NOP53: variants seen among roughly 807,000 people sequenced by gnomAD.
The protein encoded by NOP53 is NOP53 ribosome biogenesis factor.
Under a neutral mutation model 61.0 loss-of-function variants are expected in NOP53, and 40 were observed. That is an observed-to-expected ratio of 0.66 (90% CI 0.51 to 0.85). The LOEUF (loss-of-function observed/expected upper bound fraction) is 0.85, where lower values mean the gene tolerates loss of function less well. Among genes scored for constraint, NOP53 ranks in the 40% least tolerant of loss-of-function variants. NOP53 has a pLI of 0.00. For missense variants in NOP53, 689 were observed against 652.9 expected (o/e 1.06, Z -0.60); for synonymous variants, 308 against 289.5 (o/e 1.06, Z -0.65).
rs556471247 is a variant in NOP53, at chr19:47,750,216, C to G, written c.328C>G (p.Leu110Val). 9 of 1,612,928 alleles carry G rather than the reference C, an allele frequency of 5.6e-6. No homozygotes were observed. The highest frequency in any genetic ancestry group is 1.6e-4 in the Middle Eastern group (1 of 6,062). ...GAGAACCAAAGTCCAGAAGAAGTCA[C>G]TGCTTCTCAAGAAACCCCTTCGGGT... is the stretch of plus-strand genomic sequence containing the variant. ...KKRTKVQKKS[L>V]LLKKPLRVDL... Residue 110 changes from leucine to valine, a missense_variant, in exon 3 of 13, where the codon CTG (leucine) becomes GTG (valine). By Grantham distance (32) the Leu-to-Val change is conservative. Transcript: ENST00000246802.
At chr19:47,756,485 G>C (rs777112834) in intron 10 of NOP53, 43 bp from the exon 11 acceptor site, 1 of 1,537,400 alleles carries the variant, frequency 6.5e-7, no homozygotes. Flanking sequence ...AGGCCCTTGG[G>C]CTTCTGCCAG....
chr19:47,751,079 G>T lies in NOP53; in HGVS notation c.570G>T (p.Arg190=). The T allele has an allele frequency of 1.2e-6, 2 of 1,608,732 alleles. No homozygotes were observed. Among genetic ancestry groups the T allele is most frequent in the African/African-American group, 2.7e-5 (2 of 75,036 alleles). ...CCGGGCCCCAGGACACCGTAGAGCG[G>T]CCCTTCTACGACCTCTGGGCCTCAG... ...AKPGPQDTVE[R]PFYDLWASDN... is the part of the protein sequence containing the mutation. The change falls in exon 4 of 13, where the codon CGG becomes CGT. Residue 190 remains arginine (R), a synonymous_variant. Transcript: ENST00000246802.
rs980644020 is a variant in NOP53 at position 47,755,425 on chromosome 19, G to A, written c.1131G>A (p.Gln377=). ...ELFRLRGIKA[Q]VALRLAELAR... ...TCCGGCTGCGCGGGATCAAGGCCCA[G>A]GTGGCCCTGAGGCTGGCGGAGCTGG... Residue 377 remains glutamine (Q), a synonymous_variant, in exon 9 of 13, where the codon CAG becomes CAA. Transcript: ENST00000246802. The A allele has an allele frequency of 1.3e-6, 2 of 1,532,514 alleles. No individual in the cohort carries two copies. The highest frequency in any genetic ancestry group is 2.8e-5 in the African/African-American group (2 of 70,934). 94.9% of individuals were successfully genotyped at this position (1,532,514 alleles called of 1,614,324 possible).
chr19:47,749,683 G>C (rs1377928297), intron 2 of NOP53, among the ~76,000 whole-genome samples: 2 of 152,096 alleles, frequency 1.3e-5, no homozygotes, highest in African/African-American at 2.4e-5. Flanking sequence ...TGGCCATCCT[G>C]GGTCCCAAGT....
Position 47,750,234 on chromosome 19 carries a change from C to T in NOP53, c.346C>T (p.Leu116Phe). ...QKKSLLLKKP[L>F]RVDLILENTS... Reference sequence around the variant, plus strand: ...GAAGTCACTGCTTCTCAAGAAACCCCTTCGGGTTGACCTCATCCTCGAGAA... The same window carrying T: ...GAAGTCACTGCTTCTCAAGAAACCCTTTCGGGTTGACCTCATCCTCGAGAA... Residue 116 changes from leucine (L) to phenylalanine (F), a missense_variant, in exon 3 of 13, where the codon CTT becomes TTT. Leu to Phe is a conservative substitution (Grantham distance 22, BLOSUM62 0). Coordinates refer to ENST00000246802, the MANE Select transcript of NOP53 (RefSeq NM_015710.5). 1 of 1,613,282 alleles carries T rather than the reference C, an allele frequency of 6.2e-7. No homozygotes were observed. The highest frequency in any genetic ancestry group is 8.5e-7 in the Non-Finnish European group (1 of 1,179,244).
At chr19:47,750,879 C>T (rs918323512) in intron 3 of NOP53, 29 bp from the exon 4 acceptor site, 12 of 1,553,390 alleles carry the variant, frequency 7.7e-6, no homozygotes, top group Middle Eastern at 2.3e-4. Context: ...ACCTCACCTG[C>T]TGCACTTGTG....
chr19:47,755,458 G>A lies in NOP53; in HGVS notation c.1164G>A (p.Arg388=), dbSNP rs1440990956. The A allele has an allele frequency of 6.6e-7, 1 of 1,507,580 alleles. No homozygotes were observed. The highest frequency in any genetic ancestry group is 8.8e-7 in the Non-Finnish European group (1 of 1,131,806). 93.4% of individuals were successfully genotyped at this position (1,507,580 alleles called of 1,614,324 possible). The part of the protein sequence containing the change: ...VALRLAELAR[R]QRRRQARREA... ...TGAGGCTGGCGGAGCTGGCGCGGCG[G>A]CAGAGGCGGCGGCAGGCGCGGCGGG... The change falls in exon 9 of 13, where the codon CGG becomes CGA. Residue 388 remains arginine (R), a synonymous_variant. Transcript: ENST00000246802.
chr19:47,756,901 G>T (rs1967208504), intron 12 of NOP53, 98 bp from the exon 13 acceptor site: 1 of 1,564,034 alleles, frequency 6.4e-7, no homozygotes, highest in Non-Finnish European at 8.8e-7. Context: ...GGGGTTGGGA[G>T]GGTCCCCAAA....
intron 6 of NOP53, chr19:47,752,940 A>C (rs28688818): frequency 1.8e-5 from 5 of 280,702 alleles, no homozygotes; most frequent in Non-Finnish European, 3.5e-5. Context: ...ACAGCACTGC[A>C]AAGGCACAGA....
Position 47,751,733 on chromosome 19 carries a change from T to C in NOP53, c.669+143T>C. 6 of 694,380 alleles carry C rather than the reference T, an allele frequency of 8.6e-6. No individual in the cohort carries two copies. The South Asian group carries it at 1.0e-4, about 12-fold the overall frequency. The allele number at this position is 694,380 out of a possible 1,614,324, so 43.0% of individuals were successfully genotyped here. On this transcript the variant is annotated intron_variant, in intron 5 of 12. Coordinates refer to ENST00000246802, the MANE Select transcript of NOP53 (RefSeq NM_015710.5). Reference sequence around the variant, plus strand: ...CTGTGCTGGAGCCAGGTGGCTGGGATTCCTGTCCCAGCTCCAGTGCTGACT... The same window carrying C: ...CTGTGCTGGAGCCAGGTGGCTGGGACTCCTGTCCCAGCTCCAGTGCTGACT...
intron 10 of NOP53, 116 bp from the exon 11 acceptor site, chr19:47,756,412 A>G (rs1006267444): frequency 5.3e-5 from 40 of 748,272 alleles, no homozygotes; most frequent in Admixed American, 1.0e-4. Context: ...CCTGGTGCCC[A>G]CAGGCTGCCC....
chr19:47,750,162 T>A lies in NOP53; in HGVS notation c.290-16T>A. ...GTAGGGCTGAGGCCTTGACTTGTTC[T>A]CTTTCCCATTCTTAGGGCTGACAAA... On this transcript the variant is annotated splice_polypyrimidine_tract_variant and intron_variant, in intron 2 of 12. Transcript: ENST00000246802. 6.5e-7 allele frequency: 1 copy of A among 1,545,530 alleles called. No individual in the cohort carries two copies. Among genetic ancestry groups the A allele is most frequent in the Non-Finnish European group, 8.9e-7 (1 of 1,117,908 alleles).
rs183436957 is a variant in NOP53, at chr19:47,754,184, G to A, written c.766-343G>A. ...AGTAGCTACTCGGGAGGCTGAGGCA[G>A]GAGAATCGCTTGAACCCAGGAGGCG... On this transcript the variant is annotated intron_variant, in intron 6 of 12. Transcript: ENST00000246802. This position sits in a 1 kb window ranked among gnomAD's most constrained non-coding sequence, Gnocchi z 4.2. The A allele has an allele frequency of 4.3e-4, 107 of 248,310 alleles. No homozygotes were observed. Among genetic ancestry groups the A allele is most frequent in the African/African-American group, 2.2e-3 (99 of 44,918 alleles). The allele number at this position is 248,310 out of a possible 1,614,324, so 15.4% of individuals were successfully genotyped here. A position where few individuals can be genotyped will look rare whatever the true frequency, so the allele number is the denominator to read the frequency against.
At position 47,745,829 on chromosome 19, in the gene NOP53, A is replaced by G. The variant is rs531876809; in HGVS notation, c.224+46A>G. 9 of 1,064,140 alleles carry G rather than the reference A, an allele frequency of 8.5e-6. 1 individual carries two copies. Among genetic ancestry groups the G allele is most frequent in the Admixed American group, 9.0e-5 (2 of 22,286 alleles). 65.9% of individuals were successfully genotyped at this position (1,064,140 alleles called of 1,614,324 possible). ...GGGAGGTGGGACGGTTCCTGCGCCC[A>G]GGTGCAAGGCCAGGCGTGCTTGCGT... On this transcript the variant is annotated intron_variant, in intron 1 of 12. Transcript: ENST00000246802.
In NOP53 at chr19:47,755,454, G is replaced by T. The variant is rs769427571; in HGVS notation, c.1160G>T (p.Arg387Leu). 1 of 1,505,880 alleles carries T rather than the reference G, an allele frequency of 6.6e-7. No individual in the cohort carries two copies. The highest frequency in any genetic ancestry group is 2.3e-5 in the Admixed American group (1 of 43,474). The allele number at this position is 1,505,880 out of a possible 1,614,324, so 93.3% of individuals were successfully genotyped here. Residue 387 changes from arginine (R) to leucine (L), a missense_variant, in exon 9 of 13, where the codon CGG becomes CTG. Physicochemically the swap from Arg to Leu is moderately radical, Grantham distance 102. Transcript: ENST00000246802. The part of the protein sequence containing the change: ...QVALRLAELA[R>L]RQRRRQARRE... ...GCCCTGAGGCTGGCGGAGCTGGCGC[G>T]GCGGCAGAGGCGGCGGCAGGCGCGG...
chr19:47,755,424 A>G lies in NOP53; in HGVS notation c.1130A>G (p.Gln377Arg). ...ELFRLRGIKA[Q>R]VALRLAELAR... ...TTCCGGCTGCGCGGGATCAAGGCCC[A>G]GGTGGCCCTGAGGCTGGCGGAGCTG... The change falls in exon 9 of 13, where the codon CAG becomes CGG. Residue 377 changes from glutamine (Q) to arginine (R), a missense_variant. Gln to Arg is a conservative substitution (Grantham distance 43). Transcript: ENST00000246802. 6.5e-7 allele frequency: 1 copy of G among 1,532,102 alleles called. No individual in the cohort carries two copies. Among genetic ancestry groups the G allele is most frequent in the South Asian group, 1.2e-5 (1 of 82,900 alleles). The allele number at this position is 1,532,102 out of a possible 1,614,324, so 94.9% of individuals were successfully genotyped here. A position where few individuals can be genotyped will look rare whatever the true frequency, so the allele number is the denominator to read the frequency against.
At chr19:47,756,085 G>A (rs1016537113) in intron 10 of NOP53, 1 of 552,352 alleles carries the variant, frequency 1.8e-6, no homozygotes, top group African/African-American at 1.9e-5. Flanking sequence ...GGACTAGAGG[G>A]ACCTTCCTGA....
chr19:47,751,530 C>G lies in NOP53; in HGVS notation c.609C>G (p.Asp203Glu). 1 of 1,613,866 alleles carries G rather than the reference C, an allele frequency of 6.2e-7. No individual in the cohort carries two copies. The highest frequency in any genetic ancestry group is 8.5e-7 in the Non-Finnish European group (1 of 1,179,856). ...TCGCTGTATCCACAGACCCCCTGGA[C>G]AGGCCGTTGGTTGGCCAGGATGAGT... ...YDLWASDNPL[D>E]RPLVGQDEFF... Residue 203 changes from aspartate to glutamate, a missense_variant, in exon 5 of 13, where the codon GAC becomes GAG. By Grantham distance (45) the Asp-to-Glu change is conservative. Transcript: ENST00000246802.
At chr19:47,752,372 C>G (rs1434799720) in intron 5 of NOP53, 140 bp from the exon 6 acceptor site, 2 of 613,856 alleles carry the variant, frequency 3.3e-6, no homozygotes, top group Non-Finnish European at 5.9e-6. Context: ...GAGTCTTGCT[C>G]TGGAGTCACC....
Sources: gnomAD v4.1 joint callset for allele counts (sites outside exome capture counted in the v4.1 genomes callset) on GRCh38, gnomAD v4.1.1 for gene constraint, Gnocchi (gnomAD v3.1) non-coding constraint, MANE v1.5 for transcripts, NCBI Gene and HGNC (gene_info 2026-07-23, HGNC 2026-07-21) for gene names.